Variants in RARRES1 observed in about 807,000 individuals in gnomAD.
RARRES1 encodes the protein retinoic acid receptor responder protein 1.
A neutral mutation model predicts 30.6 loss-of-function variants in RARRES1; 34 were observed. The ratio of observed to expected loss-of-function variants is 1.11; its 90% CI spans 0.84 to 1.48. The LOEUF (loss-of-function observed/expected upper bound fraction) is 1.48. Ranked by LOEUF, RARRES1 falls within the 40% of genes most tolerant of loss-of-function variation. RARRES1 has a pLI of 0.00. For missense variants in RARRES1, 373 were observed against 386.5 expected, an observed-to-expected ratio of 0.97 and a Z score of 0.29; for synonymous variants, 153 against 155.5, an observed-to-expected ratio of 0.98 and a Z score of 0.12.
intron 1 of RARRES1, among the ~76,000 whole-genome samples, chr3:158,724,430 G>T (rs764181622): frequency 6.6e-6 from 1 of 152,194 alleles, no homozygotes; most frequent in Non-Finnish European, 1.5e-5. Context: ...GTAATCACAA[G>T]GGTCCTATGA....
intron 4 of RARRES1, among the ~76,000 whole-genome samples, chr3:158,704,104 C>T (rs911063513): frequency 7.9e-5 from 12 of 152,074 alleles, no homozygotes; most frequent in African/African-American, 1.4e-4. Flanking sequence ...CATATCCAAC[C>T]CATGAGCAAA....
At chr3:158,718,480 G>A (rs1385657873) in intron 1 of RARRES1, among the ~76,000 whole-genome samples, 1 of 152,206 alleles carries the variant, frequency 6.6e-6, no homozygotes, top group East Asian at 1.9e-4. Context: ...TAAGCAATGA[G>A]TTAATACAGT....
intron 4 of RARRES1, among the ~76,000 whole-genome samples, chr3:158,699,910 C>T (rs16847125): frequency 0.16 from 24,668 of 152,108 alleles, 2,051 homozygotes; most frequent in South Asian, 0.22. Flanking sequence ...TGGTGGCTGT[C>T]TTGACCTTGG....
intron 1 of RARRES1, among the ~76,000 whole-genome samples, chr3:158,721,377 T>A (rs1042838766): frequency 1.8e-4 from 27 of 152,184 alleles, no homozygotes; most frequent in Non-Finnish European, 3.8e-4. Context: ...CACCGACTTT[T>A]GATTCAGGAG....
At chr3:158,699,141 G>C (rs1342882533) in intron 4 of RARRES1, among the ~76,000 whole-genome samples, 3 of 152,172 alleles carry the variant, frequency 2.0e-5, no homozygotes, top group African/African-American at 7.2e-5. Flanking sequence ...CCATCGGGTA[G>C]ATAAGGCACC....
chr3:158,705,049 T>G (rs1726871817), intron 3 of RARRES1, 122 bp from the exon 4 acceptor site: 1 of 1,278,314 alleles, frequency 7.8e-7, no homozygotes, highest in South Asian at 1.6e-5. Context: ...CAGCAAGACC[T>G]TGAGCCATAT....
chr3:158,723,485 G>A lies in RARRES1; in HGVS notation c.276+8655C>T, dbSNP rs1313087682. ...CATTTTATTGCATTTTCCTTCTCTC[G>A]GGCAAGGCCAGATAAAGCAAATACA... On this transcript the variant is annotated intron_variant, in intron 1 of 5. Transcript: ENST00000237696. The surrounding 1 kb of genome is among the most constrained non-coding windows in gnomAD (Gnocchi z 4.4). Among the ~76,000 whole-genome samples, 1 of 152,088 alleles carries A rather than the reference G, an allele frequency of 6.6e-6. No individual in the cohort carries two copies. Among genetic ancestry groups the A allele is most frequent in the African/African-American group, 2.4e-5 (1 of 41,386 alleles).
intron 1 of RARRES1, 117 bp downstream of exon 1, chr3:158,732,023 T>C: frequency 1.9e-6 from 2 of 1,070,128 alleles, no homozygotes; most frequent in Non-Finnish European, 1.2e-6. Flanking sequence ...TCGTGCGCAC[T>C]GCACCTTCCC....
chr3:158,711,247 A>G (rs1054044962), intron 2 of RARRES1, among the ~76,000 whole-genome samples: 2 of 152,218 alleles, frequency 1.3e-5, no homozygotes, highest in African/African-American at 4.8e-5. Flanking sequence ...TTACTCTTGA[A>G]TGTGGACCAA....
intron 4 of RARRES1, among the ~76,000 whole-genome samples, chr3:158,700,933 A>G (rs1416279083): frequency 1.3e-5 from 2 of 152,062 alleles, no homozygotes; most frequent in Non-Finnish European, 2.9e-5. Context: ...AAGGATCTCT[A>G]ACAGAACTAG....
chr3:158,715,738 C>T (rs1727301623), intron 1 of RARRES1, among the ~76,000 whole-genome samples: 1 of 152,166 alleles, frequency 6.6e-6, no homozygotes, highest in Non-Finnish European at 1.5e-5. Context: ...ATAACATGGT[C>T]TCCCATCAGG....
intron 1 of RARRES1, among the ~76,000 whole-genome samples, chr3:158,724,108 G>T (rs188324959): frequency 6.6e-6 from 1 of 152,232 alleles, no homozygotes; most frequent in Admixed American, 6.5e-5. Flanking sequence ...GAGAGGAGAG[G>T]GCAGGTGGGT....
At chr3:158,701,728 T>G (rs984254953) in intron 4 of RARRES1, among the ~76,000 whole-genome samples, 3 of 152,218 alleles carry the variant, frequency 2.0e-5, no homozygotes, top group African/African-American at 7.2e-5. Context: ...GGCCACTGAA[T>G]AGCAGAATTT....
chr3:158,713,177 C>T lies in RARRES1; in HGVS notation c.339+620G>A, dbSNP rs192285524. ...CATTTGAGCTGGTCTCCTCTCCGCC[C>T]ATGCTCTGATTGCCGCCTTTCAGCT... On this transcript the variant is annotated intron_variant, in intron 2 of 5. Coordinates refer to ENST00000237696, the MANE Select transcript of RARRES1 (RefSeq NM_206963.2). 2.6e-5 allele frequency among the ~76,000 whole-genome samples: 4 copies of T among 152,220 alleles called. No homozygotes were observed. The East Asian group carries it at 7.7e-4, about 29-fold the overall frequency.
rs1441415236 is a variant in RARRES1 at position 158,723,011 on chromosome 3, T to TCCAAAGACATGATTCTGC, written c.276+9111_276+9128dup. On this transcript the variant is annotated intron_variant, in intron 1 of 5. Coordinates refer to ENST00000237696, the MANE Select transcript of RARRES1 (RefSeq NM_206963.2). This position sits in a 1 kb window ranked among gnomAD's most constrained non-coding sequence, Gnocchi z 4.4. ...CTGTGCACCACCCCATGGAGGAGTC[T>TCCAAAGACATGATTCTGC]CCAAAGACATGATTCTGCCCAAAGC... 1.3e-5 allele frequency among the ~76,000 whole-genome samples: 2 copies of TCCAAAGACATGATTCTGC among 152,116 alleles called. No homozygotes were observed. Among genetic ancestry groups the TCCAAAGACATGATTCTGC allele is most frequent in the Non-Finnish European group, 2.9e-5 (2 of 68,024 alleles).
intron 1 of RARRES1, among the ~76,000 whole-genome samples, chr3:158,714,288 C>T (rs1727247049): frequency 6.6e-6 from 1 of 152,156 alleles, no homozygotes. Flanking sequence ...ATGCTGGCAA[C>T]AAACGCACAA....
At chr3:158,727,791 G>C (rs1727738492) in intron 1 of RARRES1, among the ~76,000 whole-genome samples, 1 of 152,184 alleles carries the variant, frequency 6.6e-6, no homozygotes, top group African/African-American at 2.4e-5. Flanking sequence ...GGCATCAGGT[G>C]GGGGCAGTGA....
intron 4 of RARRES1, among the ~76,000 whole-genome samples, chr3:158,698,396 A>C (rs2108127634): frequency 6.6e-6 from 1 of 152,330 alleles, no homozygotes; most frequent in South Asian, 2.1e-4. Flanking sequence ...GTTCTCATCT[A>C]ATTCTCCTTT....
At chr3:158,712,961 A>G (rs189999719) in intron 2 of RARRES1, among the ~76,000 whole-genome samples, 1 of 152,356 alleles carries the variant, frequency 6.6e-6, no homozygotes, top group East Asian at 1.9e-4. Context: ...ATTTTAATTC[A>G]TAGGTTAATA....
Sources: gnomAD v4.1 joint callset for allele counts (sites outside exome capture counted in the v4.1 genomes callset) on GRCh38, gnomAD v4.1.1 for gene constraint, Gnocchi (gnomAD v3.1) non-coding constraint, MANE v1.5 for transcripts, NCBI Gene and HGNC (gene_info 2026-07-23, HGNC 2026-07-21) for gene names.